Variants in MINK1 observed in about 807,000 individuals in gnomAD.
MINK1 encodes misshapen-like kinase 1.
Under a neutral mutation model 178.4 loss-of-function variants are expected in MINK1, and 46 were observed. The observed-to-expected ratio is 0.26, with a 90% CI of 0.20 to 0.33. MINK1 has a LOEUF of 0.33. MINK1 is among the 10% of genes least tolerant of loss of function. The probability of loss-of-function intolerance (pLI) is 1.00; values close to 1 mark genes in which losing one functional copy is unlikely to be tolerated. For synonymous variants in MINK1, 797 were observed against 709.7 expected (o/e 1.12, Z -1.96); for missense variants, 1,366 against 1,814.9 (o/e 0.75, Z 4.49).
At chr17:4,838,670 A>T (rs75572276) in intron 1 of MINK1, among the ~76,000 whole-genome samples, 200 of 152,338 alleles carry the variant, frequency 1.3e-3, no homozygotes, top group Non-Finnish European at 2.0e-3. Flanking sequence ...ACCCAGAAAC[A>T]TAAAGCAATT....
intron 1 of MINK1, among the ~76,000 whole-genome samples, chr17:4,840,726 A>G (rs948928835): frequency 1.3e-5 from 2 of 152,196 alleles, no homozygotes; most frequent in Admixed American, 1.3e-4. Context: ...CTCTCCATTT[A>G]CATTGTATAC....
At chr17:4,880,546 C>T (rs1967599255) in intron 2 of MINK1, among the ~76,000 whole-genome samples, 1 of 149,106 alleles carries the variant, frequency 6.7e-6, no homozygotes, top group South Asian at 2.1e-4. Flanking sequence ...CTCGGCCTCC[C>T]AAAGTGTTGG....
At position 4,897,979 on chromosome 17, in the gene MINK1, C is replaced by T. The variant is rs1969751436; in HGVS notation, c.*692C>T. The T allele has an allele frequency of 2.5e-4, 1 of 4,070 alleles. No homozygotes were observed. The highest frequency in any genetic ancestry group is 8.5e-4 in the Non-Finnish European group (1 of 1,174). 0.3% of individuals were successfully genotyped at this position (4,070 alleles called of 1,614,324 possible). ...ATAGTGTGAGCAGCAAGTAACCCTTCTCCCTCCCCCCCCACCCCTCCTCAA... is the reference window on the plus strand; with the variant it reads ...ATAGTGTGAGCAGCAAGTAACCCTTTTCCCTCCCCCCCCACCCCTCCTCAA... On this transcript the variant is annotated 3_prime_UTR_variant, in exon 32 of 32. Transcript: ENST00000355280.
intron 1 of MINK1, among the ~76,000 whole-genome samples, chr17:4,846,433 T>C (rs1287768968): frequency 6.6e-6 from 1 of 152,222 alleles, no homozygotes; most frequent in Non-Finnish European, 1.5e-5. Context: ...TACTTTTTTC[T>C]TAGGCTGAGC....
rs184558775 is a variant in MINK1, at chr17:4,896,037, C to T, written c.3399C>T (p.Ala1133=). 73 of 1,605,462 alleles carry T rather than the reference C, an allele frequency of 4.5e-5. No individual in the cohort carries two copies. The Admixed American group carries it at 7.1e-4, about 16-fold the overall frequency. ...KYERIKFLVI[A]LKSSVEVYAW... is the part of the protein sequence containing the mutation. ...AGCGGATTAAGTTCCTGGTCATCGCCCTCAAGAGCTCCGTGGAGGTGTATG... is the reference window on the plus strand; with the variant it reads ...AGCGGATTAAGTTCCTGGTCATCGCTCTCAAGAGCTCCGTGGAGGTGTATG... The change falls in exon 28 of 32, where the codon GCC becomes GCT. Residue 1133 remains alanine, a synonymous_variant. Coordinates refer to ENST00000355280, the MANE Select transcript of MINK1 (RefSeq NM_153827.5). The surrounding 1 kb of genome is among the most constrained non-coding windows in gnomAD (Gnocchi z 4.6).
chr17:4,858,669 G>A (rs576798194), intron 1 of MINK1, among the ~76,000 whole-genome samples: 3 of 151,984 alleles, frequency 2.0e-5, no homozygotes, highest in African/African-American at 7.2e-5. Flanking sequence ...TAGAGATGGG[G>A]TTTCACCATG....
chr17:4,869,364 C>T (rs566568886), intron 1 of MINK1, among the ~76,000 whole-genome samples: 72 of 152,118 alleles, frequency 4.7e-4, no homozygotes, highest in African/African-American at 1.5e-3. Context: ...GTAACTTCCA[C>T]CTCCCAGAGT....
chr17:4,849,838 G>A (rs575098147), intron 1 of MINK1, among the ~76,000 whole-genome samples: 182 of 152,314 alleles, frequency 1.2e-3, no homozygotes, highest in Non-Finnish European at 1.5e-3. Context: ...CTCCCAAAGC[G>A]CTGGGATTAC....
Position 4,886,636 on chromosome 17 carries a change from C to T in MINK1, c.949+10C>T. 6.3e-7 allele frequency: 1 copy of T among 1,575,120 alleles called. No individual in the cohort carries two copies. The highest frequency in any genetic ancestry group is 8.6e-7 in the Non-Finnish European group (1 of 1,159,100). ...AAGCGGGGTGAGAAAGGTCAGTGGG[C>T]AGGCTGGAGGGGGCAGGTACTAGGG... On this transcript the variant is annotated intron_variant, in intron 10 of 31. Transcript: ENST00000355280. This position sits in a 1 kb window ranked among gnomAD's most constrained non-coding sequence, Gnocchi z 6.1.
At chr17:4,875,157 T>C (rs770176156) in intron 1 of MINK1, 7 of 519,978 alleles carry the variant, frequency 1.3e-5, no homozygotes, top group Admixed American at 1.2e-4. Context: ...TAGGGAACTC[T>C]ATGGTCTTTG....
rs1325497017 is a variant in MINK1, at chr17:4,892,433, C to T, written c.2119C>T (p.Leu707=). 2 of 1,558,394 alleles carry T rather than the reference C, an allele frequency of 1.3e-6. No individual in the cohort carries two copies. Among genetic ancestry groups the T allele is most frequent in the Non-Finnish European group, 1.7e-6 (2 of 1,152,282 alleles). The part of the protein sequence containing the change: ...PRSNSAWQIY[L]QRRAERGTPK... ...CAGCAACTCCGCCTGGCAAATCTAT[C>T]TGCAAAGGCGGGCAGAGCGGGGCAC... The change falls in exon 18 of 32, where the codon CTG becomes TTG. Residue 707 remains leucine, a synonymous_variant. Coordinates refer to ENST00000355280, the MANE Select transcript of MINK1 (RefSeq NM_153827.5).
intron 20 of MINK1, 71 bp downstream of exon 20, chr17:4,893,138 C>A: frequency 6.6e-7 from 1 of 1,516,978 alleles, no homozygotes; most frequent in South Asian, 1.2e-5. Flanking sequence ...TGCTGGGTGT[C>A]AGGGGTGGGG....
intron 21 of MINK1, 180 bp from the exon 22 acceptor site, chr17:4,893,792 TCTGCCCCTGTGCCAGC>T: frequency 3.2e-6 from 3 of 944,610 alleles, no homozygotes. Context: ...CAAGTGCCTG[TCTGCCCCTGTGCCAGC>T]CTGCCCTGTG....
rs146239323 is a variant in MINK1 at position 4,875,727 on chromosome 17, G to T, written c.58-2590G>T. On this transcript the variant is annotated intron_variant, in intron 1 of 31. Coordinates refer to ENST00000355280, the MANE Select transcript of MINK1 (RefSeq NM_153827.5). ...GTGGAGGTTGCGGTGAGCCAAGATC[G>T]TGCCATTGCACTCCAGCTGGGCAAC... Among the ~76,000 whole-genome samples, 497 of 151,962 alleles carry T rather than the reference G, an allele frequency of 3.3e-3. 1 individual carries two copies. The highest frequency in any genetic ancestry group is 0.011 in the African/African-American group (473 of 41,470).
chr17:4,878,449 A>G (rs941586810), intron 2 of MINK1, 67 bp downstream of exon 2: 96 of 1,401,930 alleles, frequency 6.8e-5, no homozygotes, highest in Non-Finnish European at 8.6e-5. Context: ...AGTGGAAGGA[A>G]GTAGATTCCT....
In MINK1 at chr17:4,833,399, G is replaced by T; in HGVS notation, c.-185G>T. Reference sequence around the variant, plus strand: ...TGGTAGGCTCGGGTGGCTGGCTCCGGGGAGATAGCGCCTGTCAGTCGGTGG... The same window carrying T: ...TGGTAGGCTCGGGTGGCTGGCTCCGTGGAGATAGCGCCTGTCAGTCGGTGG... On this transcript the variant is annotated 5_prime_UTR_variant, in exon 1 of 32. Transcript: ENST00000355280. This position sits in a 1 kb window ranked among gnomAD's most constrained non-coding sequence, Gnocchi z 4.8. The T allele has an allele frequency of 1.9e-6, 1 of 539,748 alleles. No individual in the cohort carries two copies. The highest frequency in any genetic ancestry group is 3.2e-6 in the Non-Finnish European group (1 of 309,152). 33.4% of individuals were successfully genotyped at this position (539,748 alleles called of 1,614,324 possible).
chr17:4,854,757 C>G (rs1202710455), intron 1 of MINK1: 2 of 494,370 alleles, frequency 4.0e-6, no homozygotes, highest in Non-Finnish European at 8.1e-6. Context: ...ACACAGGTAG[C>G]CATCGATAGA....
chr17:4,881,446 T>C (rs1967693651), intron 4 of MINK1, among the ~76,000 whole-genome samples, 189 bp downstream of exon 4: 1 of 152,112 alleles, frequency 6.6e-6, no homozygotes, highest in Non-Finnish European at 1.5e-5. Flanking sequence ...CCAGCCCCCA[T>C]GAACTGCAGC....
intron 1 of MINK1, among the ~76,000 whole-genome samples, chr17:4,846,776 T>A (rs1014510562): frequency 1.3e-5 from 2 of 152,124 alleles, no homozygotes; most frequent in African/African-American, 2.4e-5. Flanking sequence ...CCTCAAGTGA[T>A]CCTCCCACCT....
Sources: allele counts gnomAD v4.1 joint callset (sites outside exome capture counted in the v4.1 genomes callset), GRCh38; gene constraint gnomAD v4.1.1; non-coding constraint Gnocchi (gnomAD v3.1); transcripts MANE v1.5; gene names NCBI Gene and HGNC (gene_info 2026-07-23, HGNC 2026-07-21).